The following RANBP17 variants were observed in gnomAD, a reference collection of about 807,000 sequenced individuals.
RANBP17 encodes the protein ran-binding protein 17.
A neutral mutation model predicts 141.2 loss-of-function variants in RANBP17; 158 were observed. The observed-to-expected ratio is 1.12, with a 90% CI of 0.98 to 1.28. RANBP17 has a LOEUF of 1.28. RANBP17 is among the 50% of genes most tolerant of loss of function. The probability of loss-of-function intolerance (pLI) is 0.00; values close to 1 mark genes in which losing one functional copy is unlikely to be tolerated. For synonymous variants in RANBP17, 430 were observed against 450.0 expected (o/e 0.96, Z 0.56); for missense variants, 1,438 against 1,290.7 (o/e 1.11, Z -1.75).
chr5:170,986,650 A>G (rs1044732536), intron 14 of RANBP17, among the ~76,000 whole-genome samples: 3 of 151,896 alleles, frequency 2.0e-5, no homozygotes, highest in Non-Finnish European at 2.9e-5. Flanking sequence ...GTATTTTCAA[A>G]TTGTCCAAAA....
intron 24 of RANBP17, among the ~76,000 whole-genome samples, chr5:171,263,194 T>C (rs1561811122): frequency 1.3e-5 from 2 of 152,238 alleles, no homozygotes; most frequent in Non-Finnish European, 2.9e-5. Flanking sequence ...AATGAGAAAC[T>C]ACTCCCTTAG....
Position 170,911,105 on chromosome 5 carries a change from C to T in RANBP17, c.731C>T (p.Thr244Met), listed in dbSNP as rs373879236. 1.8e-5 allele frequency: 29 copies of T among 1,611,102 alleles called. No homozygotes were observed. The highest frequency in any genetic ancestry group is 4.5e-5 in the East Asian group (2 of 44,754). The change falls in exon 7 of 28, where the codon ACG (threonine) becomes ATG (methionine). Residue 244 changes from threonine to methionine, a missense_variant. Thr to Met is a moderately conservative substitution (Grantham distance 81, BLOSUM62 -1). Coordinates refer to ENST00000523189, the MANE Select transcript of RANBP17 (RefSeq NM_022897.5). ...GATGAATCTGCAGATGATCTTTGCA[C>T]GGTGCAGATTCCAACAACTTGGAGA... ...SADESADDLC[T>M]VQIPTTWRTI...
intron 14 of RANBP17, among the ~76,000 whole-genome samples, chr5:171,038,911 T>G (rs1341617076): frequency 6.6e-6 from 1 of 152,108 alleles, no homozygotes; most frequent in Non-Finnish European, 1.5e-5. Context: ...GGGTATTGAC[T>G]TGTAGTTTTC....
chr5:171,103,954 T>G (rs1787366198), intron 14 of RANBP17, among the ~76,000 whole-genome samples: 1 of 152,144 alleles, frequency 6.6e-6, no homozygotes, highest in South Asian at 2.1e-4. Context: ...CCAGTCCCAA[T>G]GAGATGAGCC....
chr5:171,147,477 G>A (rs571824272), intron 14 of RANBP17, among the ~76,000 whole-genome samples: 6 of 149,292 alleles, frequency 4.0e-5, no homozygotes, highest in East Asian at 2.0e-4. Context: ...GTGCAGTGGC[G>A]GTATCTCTGC....
chr5:171,014,373 T>G (rs181445702), intron 14 of RANBP17, among the ~76,000 whole-genome samples: 1 of 152,160 alleles, frequency 6.6e-6, no homozygotes, highest in East Asian at 1.9e-4. Context: ...CCTTTTTATC[T>G]GTTTTATTCA....
intron 14 of RANBP17, among the ~76,000 whole-genome samples, chr5:171,141,649 A>C (rs1034128303): frequency 6.7e-6 from 1 of 149,312 alleles, no homozygotes; most frequent in Non-Finnish European, 1.5e-5. Context: ...AAAAGTGAAG[A>C]TATATACTTT....
intron 22 of RANBP17, 43 bp downstream of exon 22, chr5:171,221,883 T>C: frequency 9.0e-7 from 1 of 1,111,396 alleles, no homozygotes; most frequent in South Asian, 1.3e-5. Context: ...TATAGTTTTA[T>C]CTCTTTAGAG....
At chr5:171,075,432 A>G (rs1784859420) in intron 14 of RANBP17, among the ~76,000 whole-genome samples, 1 of 152,186 alleles carries the variant, frequency 6.6e-6, no homozygotes, top group African/African-American at 2.4e-5. Flanking sequence ...GATAAATGAA[A>G]TAAGTCACAA....
In RANBP17 at chr5:171,271,715, T is replaced by C. The variant is rs1767126694; in HGVS notation, c.2943+5868T>C. 4 of 211,644 alleles carry C rather than the reference T, an allele frequency of 1.9e-5. No individual in the cohort carries two copies. The South Asian group carries it at 5.6e-4, about 30-fold the overall frequency. The allele number at this position is 211,644 out of a possible 1,614,324, so 13.1% of individuals were successfully genotyped here. A position where few individuals can be genotyped will look rare whatever the true frequency, so the allele number is the denominator to read the frequency against. On this transcript the variant is annotated intron_variant, in intron 25 of 27. Transcript: ENST00000523189. Reference sequence around the variant, plus strand: ...AACTGAAAGAACATTCACAACTGGATCAGGTAATAACGGATTTAAAAAGTT... The same window carrying C: ...AACTGAAAGAACATTCACAACTGGACCAGGTAATAACGGATTTAAAAAGTT...
chr5:170,958,163 A>T (rs1442728872), intron 13 of RANBP17, among the ~76,000 whole-genome samples: 1 of 152,126 alleles, frequency 6.6e-6, no homozygotes, highest in East Asian at 1.9e-4. Flanking sequence ...CAGTATATCC[A>T]TTGGCTTCTT....
chr5:170,955,845 A>C (rs1484616087), intron 13 of RANBP17, among the ~76,000 whole-genome samples: 1 of 148,922 alleles, frequency 6.7e-6, no homozygotes, highest in East Asian at 1.9e-4. Flanking sequence ...TATCTCAGAG[A>C]TCTTAATATT....
chr5:170,999,943 G>A (rs1779085002), intron 14 of RANBP17, among the ~76,000 whole-genome samples: 1 of 152,130 alleles, frequency 6.6e-6, no homozygotes, highest in Admixed American at 6.6e-5. Context: ...TCTAGTTATT[G>A]TCTCAGTGAT....
intron 12 of RANBP17, among the ~76,000 whole-genome samples, chr5:170,952,864 C>G (rs1775313496): frequency 1.3e-5 from 2 of 151,910 alleles, no homozygotes; most frequent in African/African-American, 4.8e-5. Context: ...AAATAATATA[C>G]CTTAAGCAAA....
chr5:171,001,761 G>T (rs1779214556), intron 14 of RANBP17, among the ~76,000 whole-genome samples: 2 of 152,060 alleles, frequency 1.3e-5, no homozygotes, highest in Admixed American at 1.3e-4. Context: ...AAACTGCTTG[G>T]GTGATTTGAC....
intron 14 of RANBP17, among the ~76,000 whole-genome samples, chr5:170,979,423 G>A (rs554068705): frequency 6.6e-6 from 1 of 152,232 alleles, no homozygotes; most frequent in East Asian, 1.9e-4. Context: ...GAGAGTAGAG[G>A]AATAAAAAAT....
In RANBP17 at chr5:171,174,387, A is replaced by C. The variant is rs180780364; in HGVS notation, c.1865+3101A>C. Among the ~76,000 whole-genome samples, 390 of 152,232 alleles carry C rather than the reference A, an allele frequency of 2.6e-3. 2 individuals carry two copies. Among genetic ancestry groups the C allele is most frequent in the African/African-American group, 8.8e-3 (364 of 41,566 alleles). ...TGGTCAGAAATTTTAGTTTCTGTCT[A>C]AATGGGAAAAGGAGAGATTGTTCAA... is the stretch of plus-strand genomic sequence containing the variant. On this transcript the variant is annotated intron_variant, in intron 16 of 27. Transcript: ENST00000523189.
At chr5:170,998,648 G>C (rs1482480021) in intron 14 of RANBP17, among the ~76,000 whole-genome samples, 1 of 152,092 alleles carries the variant, frequency 6.6e-6, no homozygotes, top group Admixed American at 6.6e-5. Context: ...TAGACCTACT[G>C]ACTAGTCTGT....
intron 21 of RANBP17, among the ~76,000 whole-genome samples, chr5:171,216,851 G>A (rs1043409602): frequency 1.3e-5 from 2 of 151,980 alleles, no homozygotes; most frequent in Non-Finnish European, 2.9e-5. Context: ...TCATGTCATC[G>A]GCAAACAGAG....
Sources: allele counts gnomAD v4.1 joint callset (sites outside exome capture counted in the v4.1 genomes callset), GRCh38; gene constraint gnomAD v4.1.1; transcripts MANE v1.5; gene names NCBI Gene and HGNC (gene_info 2026-07-23, HGNC 2026-07-21).